Variants in UNC79 observed in about 807,000 individuals in gnomAD.
The protein encoded by UNC79 is protein unc-79 homolog.
In UNC79, 37 loss-of-function variants were observed where a neutral mutation model predicts 283.1. The observed-to-expected ratio is 0.13, with a 90% confidence interval of 0.10 to 0.17. The LOEUF (loss-of-function observed/expected upper bound fraction) is 0.17, where lower values mean the gene tolerates loss of function less well. Among genes scored for constraint, UNC79 ranks in the 10% least tolerant of loss-of-function variants. The pLI is 1.00. For synonymous variants in UNC79, 1,107 were observed against 1,200.2 expected, an observed-to-expected ratio of 0.92 and a Z score of 1.61; for missense variants, 2,272 against 3,211.1, an observed-to-expected ratio of 0.71 and a Z score of 7.07.
At chr14:93,680,188 G>C (rs1334139798) in intron 41 of UNC79, among the ~76,000 whole-genome samples, 1 of 152,130 alleles carries the variant, frequency 6.6e-6, no homozygotes, top group Non-Finnish European at 1.5e-5. Flanking sequence ...AGATCTTGAC[G>C]CTGTGTGATT....
chr14:93,646,539 C>A, intron 34 of UNC79, 69 bp from the exon 38 acceptor site: 1 of 1,510,008 alleles, frequency 6.6e-7, no homozygotes, highest in Non-Finnish European at 9.2e-7. Flanking sequence ...CAGGTCCTCC[C>A]ACAATATTAA....
At chr14:93,603,555 C>CCTGAAGTGATTCT in intron 26 of UNC79, 137 bp downstream of exon 26, 1 of 1,066,526 alleles carries the variant, frequency 9.4e-7, no homozygotes, top group Non-Finnish European at 1.3e-6. Flanking sequence ...TTTCAGATTC[C>CCTGAAGTGATTCT]CTAGAGAATC....
chr14:93,368,498 A>C (rs548578306), intron 1 of UNC79, among the ~76,000 whole-genome samples: 29 of 152,054 alleles, frequency 1.9e-4, no homozygotes, highest in African/African-American at 7.0e-4. Context: ...TTTGAGACAT[A>C]GTCTTGTTCT....
At chr14:93,671,793 A>G (rs1370034860) in intron 40 of UNC79, among the ~76,000 whole-genome samples, 2 of 152,066 alleles carry the variant, frequency 1.3e-5, no homozygotes, top group Non-Finnish European at 2.9e-5. Context: ...AGCAAACAAC[A>G]ACAACAACAA....
chr14:93,395,465 CAA>C (rs1177559754), intron 1 of UNC79, among the ~76,000 whole-genome samples: 1 of 152,048 alleles, frequency 6.6e-6, no homozygotes, highest in Non-Finnish European at 1.5e-5. Context: ...GGAGAGAGAG[CAA>C]AGAGGGAAAT....
At chr14:93,586,816 G>A in exon 22 of UNC79, 1 of 1,614,066 alleles carries the variant, frequency 6.2e-7, no homozygotes, top group Non-Finnish European at 8.5e-7. Flanking sequence ...ATTGCCTGAA[G>A]ATTCTCTGTC....
At chr14:93,608,752 G>C (rs536477208) in intron 26 of UNC79, among the ~76,000 whole-genome samples, 2 of 152,286 alleles carry the variant, frequency 1.3e-5, no homozygotes, top group East Asian at 3.9e-4. Flanking sequence ...AGTTCACATA[G>C]AGAAACGTTC....
chr14:93,357,304 G>T (rs905501213), intron 1 of UNC79, among the ~76,000 whole-genome samples: 1 of 152,090 alleles, frequency 6.6e-6, no homozygotes, highest in Non-Finnish European at 1.5e-5. Flanking sequence ...GGTCAATACT[G>T]AGTGTCAAGT....
chr14:93,694,215 A>T, intron 46 of UNC79, 120 bp from the exon 50 acceptor site: 1 of 772,166 alleles, frequency 1.3e-6, no homozygotes, highest in Non-Finnish European at 2.1e-6. Context: ...GTGGTCTCCT[A>T]CGGTCATTAC....
intron 1 of UNC79, among the ~76,000 whole-genome samples, chr14:93,384,415 C>T (rs962337814): frequency 5.3e-5 from 8 of 152,150 alleles, no homozygotes; most frequent in South Asian, 2.1e-4. Flanking sequence ...GATAATAGCT[C>T]ATTGTAGTTT....
chr14:93,572,649 A>G (rs2063272696), intron 15 of UNC79, 44 bp from the exon 16 acceptor site: 3 of 1,611,366 alleles, frequency 1.9e-6, no homozygotes, highest in Non-Finnish European at 2.5e-6. Context: ...GTAGAACCCA[A>G]TCTATGCCCA....
chr14:93,337,561 G>A (rs765087014), intron 1 of UNC79, among the ~76,000 whole-genome samples: 4 of 152,230 alleles, frequency 2.6e-5, no homozygotes, highest in Non-Finnish European at 2.9e-5. Context: ...CTCTGCAGGT[G>A]CTGGGCTGCC....
At chr14:93,664,560 C>T (rs1210874369) in intron 40 of UNC79, among the ~76,000 whole-genome samples, 2 of 152,074 alleles carry the variant, frequency 1.3e-5, no homozygotes, top group Admixed American at 1.3e-4. Context: ...GGTCAGAACC[C>T]TTGAAAGCCT....
chr14:93,396,777 A>ATGTGTGTGTGTGTG (rs34727419), intron 1 of UNC79, among the ~76,000 whole-genome samples: 6,214 of 144,358 alleles, frequency 0.043, 170 homozygotes, highest in Admixed American at 0.062. Context: ...ATGTGTGTGT[A>ATGTGTGTGTGTGTG]TGTGTGTGTG....
chr14:93,528,653 A>G lies in UNC79; in HGVS notation c.1052+7A>G, dbSNP rs770994700. The G allele has an allele frequency of 7.4e-6, 12 of 1,612,440 alleles. No individual in the cohort carries two copies. The highest frequency in any genetic ancestry group is 1.3e-5 in the African/African-American group (1 of 74,882). On this transcript the variant is annotated splice_region_variant and intron_variant, in intron 9 of 48. Coordinates refer to ENST00000555664, the Ensembl canonical transcript of UNC79. ...GCAGCGAGAGGATTGCAGGGTAGGT[A>G]TAAGAGTTCTTAAAGAAAAGGAAAT...
chr14:93,446,260 C>G (rs959086664), intron 1 of UNC79, among the ~76,000 whole-genome samples: 1 of 152,176 alleles, frequency 6.6e-6, no homozygotes, highest in African/African-American at 2.4e-5. Context: ...CACTTGAAAG[C>G]CGTGCATTGC....
chr14:93,397,033 G>A (rs1282324602), intron 1 of UNC79: 5 of 152,228 alleles, frequency 3.3e-5, no homozygotes, highest in Middle Eastern at 3.4e-3. Context: ...AGGACATCTT[G>A]TTTTCTATTG....
chr14:93,539,337 A>G (rs948108198), intron 12 of UNC79, among the ~76,000 whole-genome samples: 7 of 148,642 alleles, frequency 4.7e-5, no homozygotes, highest in Non-Finnish European at 1.0e-4. Flanking sequence ...CCTGACCAAC[A>G]TGGTGAAACC....
chr14:93,632,687 C>CAA (rs1226006655), intron 31 of UNC79, among the ~76,000 whole-genome samples: 7 of 128,704 alleles, frequency 5.4e-5, no homozygotes, highest in African/African-American at 1.7e-4. Flanking sequence ...CACCCTGTCT[C>CAA]AAAAAAAAAA....
Sources: gnomAD v4.1 joint callset for allele counts (sites outside exome capture counted in the v4.1 genomes callset) on GRCh38, gnomAD v4.1.1 for gene constraint, MANE v1.5 for transcripts, NCBI Gene and HGNC (gene_info 2026-07-23, HGNC 2026-07-21) for gene names.